R3HDM2: variants seen among roughly 807,000 people sequenced by gnomAD.
R3HDM2 encodes R3H domain containing 2, also known as R3H domain-containing protein 2.
R3HDM2 carries 38 observed loss-of-function variants against 124.5 expected under a neutral mutation model. The ratio of observed to expected loss-of-function variants is 0.31; its 90% confidence interval spans 0.24 to 0.40. The LOEUF (loss-of-function observed/expected upper bound fraction) is 0.40, where lower values mean the gene tolerates loss of function less well. Among genes scored for constraint, R3HDM2 ranks in the 10% least tolerant of loss-of-function variants. The probability of loss-of-function intolerance (pLI) is 1.00; values close to 1 mark genes in which losing one functional copy is unlikely to be tolerated. For synonymous variants in R3HDM2, 391 were observed against 448.0 expected (o/e 0.87, Z 1.61); for missense variants, 869 against 1,236.9 (o/e 0.70, Z 4.46).
intron 2 of R3HDM2, among the ~76,000 whole-genome samples, chr12:57,335,710 C>G (rs1346838392): frequency 2.7e-5 from 4 of 150,684 alleles, no homozygotes; most frequent in Non-Finnish European, 5.9e-5. Flanking sequence ...ATTAGGTTGC[C>G]CAGGCTGGCC....
chr12:57,275,984 A>G (rs917999204), intron 14 of R3HDM2, among the ~76,000 whole-genome samples: 45 of 152,232 alleles, frequency 3.0e-4, no homozygotes, highest in Non-Finnish European at 8.8e-5. Flanking sequence ...TTGGGAGGCC[A>G]AGGCGGGCGG....
At chr12:57,271,915 G>A (rs182490789) in intron 14 of R3HDM2, among the ~76,000 whole-genome samples, 1 of 149,334 alleles carries the variant, frequency 6.7e-6, no homozygotes, top group South Asian at 2.1e-4. Flanking sequence ...TTTTTGAGAC[G>A]GAGTCTTGCT....
intron 14 of R3HDM2, among the ~76,000 whole-genome samples, chr12:57,279,178 CTTT>C (rs1212781487): frequency 2.3e-4 from 27 of 114,916 alleles, no homozygotes; most frequent in African/African-American, 7.6e-4. Context: ...ATTAAGGTGA[CTTT>C]TTTTTTTTTT....
chr12:57,389,326 A>C (rs187630655), intron 2 of R3HDM2, among the ~76,000 whole-genome samples: 1 of 152,358 alleles, frequency 6.6e-6, no homozygotes, highest in East Asian at 1.9e-4. Flanking sequence ...ACAGGCTGGA[A>C]ATACAAATAA....
At position 57,254,386 on chromosome 12, in the gene R3HDM2, A is replaced by C. The variant is rs1176497706; in HGVS notation, c.*387T>G. The C allele has an allele frequency of 2.6e-6, 1 of 390,674 alleles. No individual in the cohort carries two copies. The highest frequency in any genetic ancestry group is 4.9e-6 in the Non-Finnish European group (1 of 204,210). The allele number at this position is 390,674 out of a possible 1,614,324, so 24.2% of individuals were successfully genotyped here. A position where few individuals can be genotyped will look rare whatever the true frequency, so the allele number is the denominator to read the frequency against. On this transcript the variant is annotated 3_prime_UTR_variant, in exon 24 of 24. Coordinates refer to ENST00000402412, the MANE Select transcript of R3HDM2 (RefSeq NM_001394031.1). The stretch of plus-strand genomic sequence containing the variant: ...CATGGTGGCGCGTGTCTGTAGTGCC[A>C]GCTACTTGGGAGGCTGAGGCAGGAG...
At chr12:57,364,143 CTTTTTTTT>C (rs11320875) in intron 2 of R3HDM2, among the ~76,000 whole-genome samples, 2 of 81,670 alleles carry the variant, frequency 2.4e-5, no homozygotes, top group Admixed American at 1.6e-4. Context: ...GACTCGGTGT[CTTTTTTTT>C]TTTTTTTTTT....
chr12:57,387,343 C>A (rs2065990058), intron 2 of R3HDM2, among the ~76,000 whole-genome samples: 1 of 152,092 alleles, frequency 6.6e-6, no homozygotes, highest in Non-Finnish European at 1.5e-5. Context: ...ACCACGAACC[C>A]ACCAGAAGGA....
chr12:57,303,946 G>A (rs1311975210), intron 3 of R3HDM2, among the ~76,000 whole-genome samples: 1 of 152,190 alleles, frequency 6.6e-6, no homozygotes, highest in Non-Finnish European at 1.5e-5. Flanking sequence ...GCATGAAAGA[G>A]TGTTTTTTTC....
chr12:57,374,987 C>T (rs2063861090), intron 2 of R3HDM2, among the ~76,000 whole-genome samples: 1 of 149,832 alleles, frequency 6.7e-6, no homozygotes, highest in African/African-American at 2.5e-5. Flanking sequence ...CAGAGCAAGA[C>T]TCCATCTCAA....
At chr12:57,416,548 A>T (rs2069626773) in intron 1 of R3HDM2, among the ~76,000 whole-genome samples, 1 of 152,182 alleles carries the variant, frequency 6.6e-6, no homozygotes, top group South Asian at 2.1e-4. Flanking sequence ...ACAATGACTC[A>T]CACCTGCAAT....
At chr12:57,331,413 C>T (rs138313598) in intron 2 of R3HDM2, among the ~76,000 whole-genome samples, 37 of 152,242 alleles carry the variant, frequency 2.4e-4, no homozygotes, top group African/African-American at 8.7e-4. Context: ...TTTTTCTCGT[C>T]GTTTATCATT....
chr12:57,374,274 G>A (rs1055390517), intron 2 of R3HDM2, among the ~76,000 whole-genome samples: 16 of 152,180 alleles, frequency 1.1e-4, no homozygotes, highest in African/African-American at 3.9e-4. Flanking sequence ...ACCCGTGATC[G>A]TGCCACTGTA....
chr12:57,317,702 G>A lies in R3HDM2; in HGVS notation c.-35-7239C>T, dbSNP rs894241774. 2.4e-4 allele frequency among the ~76,000 whole-genome samples: 35 copies of A among 145,598 alleles called. 1 individual carries two copies. The highest frequency in any genetic ancestry group is 8.6e-4 in the African/African-American group (34 of 39,666). On this transcript the variant is annotated intron_variant, in intron 2 of 23. Transcript: ENST00000402412. ...AAAAAAAAAAAAGGGTATATTAACA[G>A]AGGAACGGGCCAGGCCGGGTGGCTC...
chr12:57,304,168 G>C (rs559529014), intron 3 of R3HDM2, among the ~76,000 whole-genome samples: 2 of 152,222 alleles, frequency 1.3e-5, no homozygotes, highest in South Asian at 4.1e-4. Flanking sequence ...ACAAAGAAAG[G>C]AGCATAAAAT....
At chr12:57,280,577 A>G (rs896968028) in intron 13 of R3HDM2, 47 bp from the exon 14 acceptor site, 5 of 1,516,470 alleles carry the variant, frequency 3.3e-6, no homozygotes, top group Non-Finnish European at 3.6e-6. Context: ...ATAAGCCACG[A>G]ACACATTATC....
At chr12:57,364,170 T>G (rs1593962394) in intron 2 of R3HDM2, among the ~76,000 whole-genome samples, 1 of 126,526 alleles carries the variant, frequency 7.9e-6, no homozygotes, top group East Asian at 2.4e-4. Context: ...TTTTTTCAGA[T>G]GGAGTATCAC....
chr12:57,315,293 G>A (rs1216497074), intron 2 of R3HDM2, among the ~76,000 whole-genome samples: 3 of 151,962 alleles, frequency 2.0e-5, no homozygotes, highest in East Asian at 1.9e-4. Flanking sequence ...CCACCACTTC[G>A]GCCTCCCAAA....
At chr12:57,291,411 T>C (rs1270700931) in intron 11 of R3HDM2, among the ~76,000 whole-genome samples, 2 of 151,936 alleles carry the variant, frequency 1.3e-5, no homozygotes, top group Non-Finnish European at 2.9e-5. Context: ...CCCAGCACTT[T>C]AGGAGGCTGT....
At chr12:57,378,521 G>A (rs1341897157) in intron 2 of R3HDM2, among the ~76,000 whole-genome samples, 1 of 152,086 alleles carries the variant, frequency 6.6e-6, no homozygotes, top group Non-Finnish European at 1.5e-5. Context: ...GAGACTACAG[G>A]CATATGCCAC....
Sources: allele counts gnomAD v4.1 joint callset (sites outside exome capture counted in the v4.1 genomes callset), GRCh38; gene constraint gnomAD v4.1.1; transcripts MANE v1.5; gene names NCBI Gene and HGNC (gene_info 2026-07-23, HGNC 2026-07-21).